Variants in MYBBP1A observed in about 807,000 individuals in gnomAD.
The protein encoded by MYBBP1A is myb-binding protein 1A.
A neutral mutation model predicts 136.3 loss-of-function variants in MYBBP1A; 147 were observed. That is an observed-to-expected ratio of 1.08 (90% CI 0.94 to 1.24). MYBBP1A has a LOEUF of 1.24. MYBBP1A is among the 50% of genes most tolerant of loss of function. The probability of loss-of-function intolerance (pLI) is 0.00; values close to 1 mark genes in which losing one functional copy is unlikely to be tolerated. For synonymous variants in MYBBP1A, 947 were observed against 735.8 expected, an observed-to-expected ratio of 1.29 and a Z score of -4.65; for missense variants, 2,060 against 1,727.4, an observed-to-expected ratio of 1.19 and a Z score of -3.41.
rs1907822800 is a variant in MYBBP1A, at chr17:4,554,279, C to T, written c.295-1G>A. On this transcript the variant is annotated splice_acceptor_variant, in intron 2 of 25. Transcript: ENST00000254718. LOFTEE classifies it high-confidence loss of function. ...GGAGGTCTTCAAAAGACTGTAACAG[C>T]TGCCAGGAGTTGTGTGGCAGGAGGA... 1 of 1,613,762 alleles carries T rather than the reference C, an allele frequency of 6.2e-7. No individual in the cohort carries two copies. Among genetic ancestry groups the T allele is most frequent in the Non-Finnish European group, 8.5e-7 (1 of 1,179,882 alleles).
In MYBBP1A at chr17:4,548,741, CAGG is replaced by C. The variant is rs918409742; in HGVS notation, c.1431-95_1431-93del. On this transcript the variant is annotated intron_variant, in intron 10 of 25. Transcript: ENST00000254718. The surrounding 1 kb of genome is among the most constrained non-coding windows in gnomAD (Gnocchi z 4.2). ...GATGGTACCACCGAGGGTACAAGGC[CAGG>C]AGGAGGAGGAGCCGCCCTTCTGCCC... 5.1e-5 allele frequency: 79 copies of C among 1,555,536 alleles called. No individual in the cohort carries two copies. In the Middle Eastern group the frequency reaches 5.7e-4, roughly 11 times the overall value.
At position 4,542,447 on chromosome 17, in the gene MYBBP1A, G is replaced by C. The variant is rs759883637; in HGVS notation, c.3087+17C>G. ...AATTCAGACAGGCCCTGGGCTGGGAGCTGGGAAGTCTCTCACCTGATGACG... is the reference window on the plus strand; with the variant it reads ...AATTCAGACAGGCCCTGGGCTGGGACCTGGGAAGTCTCTCACCTGATGACG... On this transcript the variant is annotated intron_variant, in intron 22 of 25. Transcript: ENST00000254718. The C allele has an allele frequency of 5.3e-5, 85 of 1,598,526 alleles. No homozygotes were observed. Among genetic ancestry groups the C allele is most frequent in the Non-Finnish European group, 6.9e-5 (81 of 1,171,088 alleles).
chr17:4,539,050 C>A lies in MYBBP1A; in HGVS notation c.*365G>T. 9.3e-7 allele frequency: 1 copy of A among 1,080,664 alleles called. No homozygotes were observed. Among genetic ancestry groups the A allele is most frequent in the South Asian group, 1.3e-5 (1 of 79,392 alleles). The allele number at this position is 1,080,664 out of a possible 1,614,324, so 66.9% of individuals were successfully genotyped here. A position where few individuals can be genotyped will look rare whatever the true frequency, so the allele number is the denominator to read the frequency against. On this transcript the variant is annotated 3_prime_UTR_variant, in exon 26 of 26. Transcript: ENST00000254718. ...TATTTAAATCACCCCCTGGTGGCTC[C>A]CTCACAGCAAAAAAGCCTGGGGGCA...
At chr17:4,544,294 C>T (rs544125082) in intron 19 of MYBBP1A, among the ~76,000 whole-genome samples, 195 bp downstream of exon 19, 56 of 150,366 alleles carry the variant, frequency 3.7e-4, no homozygotes, top group African/African-American at 1.3e-3. Flanking sequence ...CGGGAGAACG[C>T]GGGGATGAAG....
At position 4,551,938 on chromosome 17, in the gene MYBBP1A, T is replaced by G. The variant is rs1907552438; in HGVS notation, c.965A>C (p.His322Pro). 6.2e-7 allele frequency: 1 copy of G among 1,612,848 alleles called. No homozygotes were observed. The highest frequency in any genetic ancestry group is 1.3e-5 in the African/African-American group (1 of 74,932). ...ALPLLTKEQL[H>P]LVMQGDVIRH... ...GATCACGTCTCCCTGCATCACCAGGTGCAGCTGCTCCTTGGTCAGCAGGGG... is the reference window on the plus strand; with the variant it reads ...GATCACGTCTCCCTGCATCACCAGGGGCAGCTGCTCCTTGGTCAGCAGGGG... Residue 322 changes from histidine to proline, a missense_variant, in exon 8 of 26, where the codon CAC becomes CCC. Coordinates refer to ENST00000254718, the MANE Select transcript of MYBBP1A (RefSeq NM_014520.4).
chr17:4,551,749 G>T, intron 8 of MYBBP1A, 131 bp downstream of exon 8: 1 of 767,898 alleles, frequency 1.3e-6, no homozygotes, highest in Non-Finnish European at 2.2e-6. Flanking sequence ...GGTTCAGGCA[G>T]CTCACTACCC....
intron 24 of MYBBP1A, 68 bp downstream of exon 24, chr17:4,541,395 C>T: frequency 7.2e-7 from 1 of 1,386,308 alleles, no homozygotes; most frequent in Non-Finnish European, 1.0e-6. Flanking sequence ...CATGGCACTG[C>T]TGGCCGGGAG....
intron 13 of MYBBP1A, 199 bp downstream of exon 13, chr17:4,547,759 G>A (rs1907128094): frequency 1.9e-6 from 1 of 528,948 alleles, no homozygotes; most frequent in African/African-American, 1.9e-5. Flanking sequence ...TGCATGGAAA[G>A]CCTAGGACAC....
At position 4,554,003 on chromosome 17, in the gene MYBBP1A, C is replaced by T. The variant is rs772123768; in HGVS notation, c.453+16G>A. The stretch of plus-strand genomic sequence containing the variant: ...CAAGCCAGCCTACATTCCCCCAGTC[C>T]CTCCAAAGCTCTTACCTTCACCAGC... On this transcript the variant is annotated intron_variant, in intron 4 of 25. Coordinates refer to ENST00000254718, the MANE Select transcript of MYBBP1A (RefSeq NM_014520.4). 1.2e-6 allele frequency: 2 copies of T among 1,614,042 alleles called. No individual in the cohort carries two copies. Among genetic ancestry groups the T allele is most frequent in the South Asian group, 2.2e-5 (2 of 91,078 alleles).
At chr17:4,543,785 G>A (rs537375723) in intron 19 of MYBBP1A, among the ~76,000 whole-genome samples, 11 of 152,158 alleles carry the variant, frequency 7.2e-5, no homozygotes, top group African/African-American at 2.7e-4. Flanking sequence ...TCCCACGCCT[G>A]CCACCGCCTC....
chr17:4,555,040 A>T (rs1422433570), intron 1 of MYBBP1A, 84 bp from the exon 2 acceptor site: 1 of 1,585,802 alleles, frequency 6.3e-7, no homozygotes, highest in Admixed American at 1.7e-5. Flanking sequence ...GTTCGCGACC[A>T]CGTGCCCCCA....
Position 4,548,525 on chromosome 17 carries a change from T to C in MYBBP1A, c.1555A>G (p.Ser519Gly). ...AREAVSSAFF[S>G]LLQTLSTQFK... ...TCTCCTGGGCTGCCCAAGACTCACC[T>C]GAAGAAGGCACTGCTGACAGCCTCT... Residue 519 changes from serine to glycine, a missense_variant and splice_region_variant, in exon 11 of 26, where the codon AGT becomes GGT. Physicochemically the swap from Ser to Gly is moderately conservative, Grantham distance 56 (BLOSUM62 0). Transcript: ENST00000254718. This position sits in a 1 kb window ranked among gnomAD's most constrained non-coding sequence, Gnocchi z 4.2. The C allele has an allele frequency of 6.2e-7, 1 of 1,614,030 alleles. No individual in the cohort carries two copies. The highest frequency in any genetic ancestry group is 1.1e-5 in the South Asian group (1 of 91,082).
chr17:4,551,424 G>A lies in MYBBP1A; in HGVS notation c.1023+456C>T, dbSNP rs150910607. Reference sequence around the variant, plus strand: ...CCTGACTTTATCAAAACTGTCAGAGGGAAGCCAGGTACAGTGGCTCACGTC... The same window carrying A: ...CCTGACTTTATCAAAACTGTCAGAGAGAAGCCAGGTACAGTGGCTCACGTC... On this transcript the variant is annotated intron_variant, in intron 8 of 25. Transcript: ENST00000254718. Among the ~76,000 whole-genome samples the A allele has an allele frequency of 1.1e-4, 17 of 152,334 alleles. No individual in the cohort carries two copies. In the East Asian group the frequency reaches 3.3e-3, roughly 29 times the overall value.
At chr17:4,554,472 C>T (rs768873830) in intron 2 of MYBBP1A, among the ~76,000 whole-genome samples, 194 bp from the exon 3 acceptor site, 1 of 152,156 alleles carries the variant, frequency 6.6e-6, no homozygotes, top group Non-Finnish European at 1.5e-5. Flanking sequence ...TCTCTCCGCA[C>T]GTGGTCTGAG....
rs141599589 is a variant in MYBBP1A at position 4,542,786 on chromosome 17, C to T, written c.2893-45G>A. 183 of 1,606,380 alleles carry T rather than the reference C, an allele frequency of 1.1e-4. 1 individual carries two copies. The African/African-American group carries it at 2.1e-3, about 19-fold the overall frequency. Reference sequence around the variant, plus strand: ...GCTGGGTGAGGCCAGGAGAGGGGTCCCTGGGATGGGAGCAGAGCCTGGCCT... The same window carrying T: ...GCTGGGTGAGGCCAGGAGAGGGGTCTCTGGGATGGGAGCAGAGCCTGGCCT... On this transcript the variant is annotated intron_variant, in intron 20 of 25. Coordinates refer to ENST00000254718, the MANE Select transcript of MYBBP1A (RefSeq NM_014520.4).
rs757421076 is a variant in MYBBP1A at position 4,552,731 on chromosome 17, T to A, written c.562-105A>T. On this transcript the variant is annotated intron_variant, in intron 5 of 25. Transcript: ENST00000254718. This position sits in a 1 kb window ranked among gnomAD's most constrained non-coding sequence, Gnocchi z 4.7. The stretch of plus-strand genomic sequence containing the variant: ...GGGGCCACCTGGTGAGGTATCAGAG[T>A]CATCAGAGGCCAGTTGCTAACAAAA... The A allele has an allele frequency of 4.1e-5, 43 of 1,048,098 alleles. 2 individuals carry two copies. Among genetic ancestry groups the A allele is most frequent in the South Asian group, 2.5e-4 (15 of 59,758 alleles). The allele number at this position is 1,048,098 out of a possible 1,614,324, so 64.9% of individuals were successfully genotyped here.
At chr17:4,540,012 C>T (rs753888322) in intron 25 of MYBBP1A, 45 bp from the exon 26 acceptor site, 5 of 1,568,028 alleles carry the variant, frequency 3.2e-6, no homozygotes, top group East Asian at 4.5e-5. Context: ...TCGAGGGCAG[C>T]AGCCACCGCC....
chr17:4,545,571 G>A lies in MYBBP1A; in HGVS notation c.2073+39C>T, dbSNP rs1226541334. 3 of 1,545,672 alleles carry A rather than the reference G, an allele frequency of 1.9e-6. No individual in the cohort carries two copies. In the Admixed American group the frequency reaches 5.7e-5, roughly 30 times the overall value. Reference sequence around the variant, plus strand: ...CCTGGTGCAGCTCGCTGCTCAGTGAGCCCCAGCCCACATTCCACTCCCAAA... The same window carrying A: ...CCTGGTGCAGCTCGCTGCTCAGTGAACCCCAGCCCACATTCCACTCCCAAA... On this transcript the variant is annotated intron_variant, in intron 15 of 25. Coordinates refer to ENST00000254718, the MANE Select transcript of MYBBP1A (RefSeq NM_014520.4).
intron 22 of MYBBP1A, 26 bp from the exon 23 acceptor site, chr17:4,541,917 A>C (rs1468911918): frequency 6.3e-7 from 1 of 1,597,116 alleles, no homozygotes; most frequent in Non-Finnish European, 8.6e-7. Context: ...GGTGGGTGGC[A>C]GGAGCCTTGG....
Sources: allele counts gnomAD v4.1 joint callset (sites outside exome capture counted in the v4.1 genomes callset), GRCh38; gene constraint gnomAD v4.1.1; non-coding constraint Gnocchi (gnomAD v3.1); transcripts MANE v1.5; gene names NCBI Gene and HGNC (gene_info 2026-07-23, HGNC 2026-07-21).